Variants in DNAH12 observed in about 807,000 individuals in gnomAD.
The protein encoded by DNAH12 is axonemal beta dynein heavy chain 12.
A neutral mutation model predicts 371.5 loss-of-function variants in DNAH12; 285 were observed. The observed-to-expected ratio is 0.77, with a 90% CI of 0.70 to 0.85. DNAH12 has a LOEUF of 0.85. Ranked by LOEUF, DNAH12 falls within the 40% of genes least tolerant of loss-of-function variation. The probability of loss-of-function intolerance (pLI) is 0.00; values close to 1 mark genes in which losing one functional copy is unlikely to be tolerated. For missense variants in DNAH12, 3,611 were observed against 3,689.4 expected (o/e 0.98, Z 0.55); for synonymous variants, 1,200 against 1,213.0 (o/e 0.99, Z 0.22).
At chr3:57,522,285 T>A (rs7612786) in intron 4 of DNAH12, among the ~76,000 whole-genome samples, 1 of 151,938 alleles carries the variant, frequency 6.6e-6, no homozygotes. Context: ...TTAGTAGTTA[T>A]TGATGACATT....
intron 11 of DNAH12, among the ~76,000 whole-genome samples, chr3:57,490,822 C>T (rs1447716545): frequency 6.6e-6 from 1 of 152,146 alleles, no homozygotes; most frequent in African/African-American, 2.4e-5. Context: ...GGCGTGGTGG[C>T]TCACGCCTGT....
chr3:57,539,434 A>G (rs1204645008), intron 2 of DNAH12, among the ~76,000 whole-genome samples: 1 of 152,176 alleles, frequency 6.6e-6, no homozygotes, highest in African/African-American at 2.4e-5. Context: ...GAAAGCATTC[A>G]CATTTCAGGG....
At chr3:57,446,810 A>C in intron 25 of DNAH12, 121 bp from the exon 26 acceptor site, 1 of 1,060,390 alleles carries the variant, frequency 9.4e-7, no homozygotes. Context: ...ATATAATTAC[A>C]TTGTTTAATT....
chr3:57,331,801 A>G (rs966397436), intron 62 of DNAH12, among the ~76,000 whole-genome samples: 10 of 152,126 alleles, frequency 6.6e-5, no homozygotes, highest in African/African-American at 1.9e-4. Context: ...CTTGTCTTCA[A>G]GAGCCCAGTT....
At chr3:57,540,011 G>C (rs997825958) in intron 2 of DNAH12, among the ~76,000 whole-genome samples, 9 of 151,794 alleles carry the variant, frequency 5.9e-5, no homozygotes, top group Non-Finnish European at 1.3e-4. Flanking sequence ...CCTCTCACTA[G>C]CATACAAACA....
upstream of DNAH12, chr3:57,544,401 T>C (rs1020124817): frequency 6.6e-6 from 1 of 152,192 alleles, no homozygotes; most frequent in Admixed American, 6.5e-5. Flanking sequence ...CGGCCCCAGC[T>C]GGAGGGGCTG....
intron 37 of DNAH12, among the ~76,000 whole-genome samples, chr3:57,419,153 C>T (rs9870672): frequency 0.28 from 42,227 of 152,036 alleles, 8,214 homozygotes; most frequent in African/African-American, 0.55. Context: ...TATGAGGCAG[C>T]AAAGTATGAT....
intron 18 of DNAH12, 115 bp downstream of exon 18, chr3:57,462,575 C>T (rs74358768): frequency 1.6e-6 from 2 of 1,244,908 alleles, no homozygotes; most frequent in Non-Finnish European, 1.1e-6. Context: ...CTATCACTCT[C>T]CCCCATCACC....
intron 37 of DNAH12, among the ~76,000 whole-genome samples, chr3:57,415,973 G>C (rs1248736744): frequency 1.3e-5 from 2 of 151,774 alleles, no homozygotes; most frequent in African/African-American, 2.4e-5. Context: ...ATTTTTAGTA[G>C]AGACGGGTTT....
At chr3:57,424,429 C>G (rs2064692673) in intron 35 of DNAH12, among the ~76,000 whole-genome samples, 1 of 145,420 alleles carries the variant, frequency 6.9e-6, no homozygotes, top group African/African-American at 2.6e-5. Context: ...TGAGATCGCA[C>G]CACTGCACTC....
intron 29 of DNAH12, among the ~76,000 whole-genome samples, chr3:57,439,662 C>T (rs1478395998): frequency 2.6e-5 from 4 of 152,024 alleles, no homozygotes; most frequent in Admixed American, 6.6e-5. Flanking sequence ...CAAAAGCAAT[C>T]GCTACAAAAA....
At chr3:57,452,155 T>C in intron 25 of DNAH12, among the ~76,000 whole-genome samples, 1 of 152,164 alleles carries the variant, frequency 6.6e-6, no homozygotes, top group Non-Finnish European at 1.5e-5. Context: ...CTGGTACCGA[T>C]ACAGATATGC....
At position 57,301,875 on chromosome 3, in the gene DNAH12, T is replaced by C; in HGVS notation, c.11254A>G (p.Met3752Val). The part of the protein sequence containing the change: ...LEKAIKGVVV[M>V]DSALEALSGS... The stretch of plus-strand genomic sequence containing the variant: ...GAGAGTGCCTCCAATGCAGAATCCA[T>C]CACAACCACACCCTTAATAGCTTTT... Residue 3752 changes from methionine (M) to valine (V), a missense_variant, in exon 70 of 74, where the codon ATG becomes GTG. Met to Val is a conservative substitution (Grantham distance 21, BLOSUM62 1). This residue lies in a region of DNAH12 where 2,266 missense variants were observed against 2,236.9 expected (regional missense o/e 1.01). Coordinates refer to ENST00000495027, the MANE Select transcript of DNAH12 (RefSeq NM_001366028.2). The C allele has an allele frequency of 6.4e-7, 1 of 1,551,592 alleles. No individual in the cohort carries two copies. Among genetic ancestry groups the C allele is most frequent in the Non-Finnish European group, 8.7e-7 (1 of 1,146,964 alleles).
At chr3:57,395,839 G>T (rs1280981692) in intron 43 of DNAH12, among the ~76,000 whole-genome samples, 2 of 151,610 alleles carry the variant, frequency 1.3e-5, no homozygotes, top group African/African-American at 4.9e-5. Context: ...TAGTCTCACA[G>T]GCAGCTACTA....
chr3:57,322,918 A>G (rs1031151335), intron 64 of DNAH12, 89 bp downstream of exon 64: 2 of 1,459,150 alleles, frequency 1.4e-6, no homozygotes, highest in African/African-American at 1.4e-5. Context: ...AGACAGAGTA[A>G]GACTCCGTCT....
intron 2 of DNAH12, among the ~76,000 whole-genome samples, chr3:57,525,753 A>ATTTTTTT (rs1553720003): frequency 1.6e-5 from 1 of 62,850 alleles, no homozygotes; most frequent in Non-Finnish European, 3.2e-5. Context: ...AGTATGTCTT[A>ATTTTTTT]TTCTTTTTTT....
chr3:57,489,490 G>T lies in DNAH12; in HGVS notation c.1514+19C>A. 1.3e-6 allele frequency: 2 copies of T among 1,487,396 alleles called. No individual in the cohort carries two copies. The highest frequency in any genetic ancestry group is 1.4e-5 in the South Asian group (1 of 73,870). The allele number at this position is 1,487,396 out of a possible 1,614,324, so 92.1% of individuals were successfully genotyped here. On this transcript the variant is annotated intron_variant, in intron 12 of 73. Transcript: ENST00000495027. The stretch of plus-strand genomic sequence containing the variant: ...CTTTTAGCCATATAATTCTGAGCTT[G>T]GGAATTAATTCTACTTACCATTCAT...
At chr3:57,437,403 G>C (rs759053942) in intron 29 of DNAH12, among the ~76,000 whole-genome samples, 5 of 152,018 alleles carry the variant, frequency 3.3e-5, no homozygotes, top group Non-Finnish European at 7.4e-5. Context: ...GTAGTAACCA[G>C]AAATAAACAA....
chr3:57,421,054 G>C (rs1051754871), intron 36 of DNAH12, among the ~76,000 whole-genome samples: 4 of 150,012 alleles, frequency 2.7e-5, no homozygotes, highest in African/African-American at 9.7e-5. Flanking sequence ...TTAAAATTCT[G>C]TGTTAGCATG....
Sources: gnomAD v4.1 joint callset for allele counts (sites outside exome capture counted in the v4.1 genomes callset) on GRCh38, gnomAD v4.1.1 for gene constraint, gnomAD v4.1.1 regional missense constraint, MANE v1.5 for transcripts, NCBI Gene and HGNC (gene_info 2026-07-23, HGNC 2026-07-21) for gene names.